Variants in MOK observed in about 807,000 individuals in gnomAD.
MOK encodes the protein MOK protein kinase.
Under a neutral mutation model 54.2 loss-of-function variants are expected in MOK, and 59 were observed. The ratio of observed to expected loss-of-function variants is 1.09; its 90% confidence interval spans 0.88 to 1.35. The LOEUF is 1.35. MOK is among the 40% of genes most tolerant of loss of function. The pLI is 0.00. For missense variants in MOK, 517 were observed against 526.2 expected (o/e 0.98, Z 0.17); for synonymous variants, 210 against 202.7 (o/e 1.04, Z -0.31).
rs778240810 is a variant in MOK, at chr14:102,232,740, C to T, written c.693-32G>A. The stretch of plus-strand genomic sequence containing the variant: ...TAAAAACCCAATGATAATAAATGGT[C>T]ATGCTGTCACTGAGCGCACCGGTGG... On this transcript the variant is annotated intron_variant, in intron 8 of 11. Coordinates refer to ENST00000361847, the MANE Select transcript of MOK (RefSeq NM_014226.3). This position sits in a 1 kb window ranked among gnomAD's most constrained non-coding sequence, Gnocchi z 5.1. 1.2e-5 allele frequency: 19 copies of T among 1,589,228 alleles called. No individual in the cohort carries two copies. Among genetic ancestry groups the T allele is most frequent in the Non-Finnish European group, 1.5e-5 (17 of 1,162,482 alleles).
Position 102,263,599 on chromosome 14 carries a change from G to A in MOK, c.230C>T (p.Ser77Phe). 6.2e-7 allele frequency: 1 copy of A among 1,605,058 alleles called. No homozygotes were observed. Among genetic ancestry groups the A allele is most frequent in the Non-Finnish European group, 8.5e-7 (1 of 1,176,676 alleles). Residue 77 changes from serine (S) to phenylalanine (F), a missense_variant, in exon 4 of 12, where the codon TCT (serine) becomes TTT (phenylalanine). Coordinates refer to ENST00000361847, the MANE Select transcript of MOK (RefSeq NM_014226.3). ...HEVVFDRKSG[S>F]LALICELMDM... ...CATAAGTTCACATATTAGTGCAAGA[G>A]AACCAGATTTTCTGTCACTGAAGAA...
At position 102,245,245 on chromosome 14, in the gene MOK, C is replaced by A. The variant is rs1268774860; in HGVS notation, c.590+5567G>T. Among the ~76,000 whole-genome samples the A allele has an allele frequency of 6.6e-6, 1 of 152,146 alleles. No individual in the cohort carries two copies. The highest frequency in any genetic ancestry group is 2.4e-5 in the African/African-American group (1 of 41,420). ...AAAATCTTCCTTCAGCTGAATCTCTCCCACTCCAGGTTCCCACGCCACCCC... is the reference window on the plus strand; with the variant it reads ...AAAATCTTCCTTCAGCTGAATCTCTACCACTCCAGGTTCCCACGCCACCCC... On this transcript the variant is annotated intron_variant, in intron 7 of 11. Transcript: ENST00000361847. This position sits in a 1 kb window ranked among gnomAD's most constrained non-coding sequence, Gnocchi z 4.3.
the MOK span, among the ~76,000 whole-genome samples, chr14:102,218,514 T>C: frequency 0.018 from 2,691 of 152,364 alleles, 80 homozygotes; most frequent in African/African-American, 0.062. Context: ...GGCAGGAACA[T>C]GGCCTTGCTG....
chr14:102,280,883 T>A (rs1378044154), intron 2 of MOK: 1 of 152,246 alleles, frequency 6.6e-6, no homozygotes, highest in African/African-American at 2.4e-5. Context: ...GCTAGAGAAC[T>A]GCTCCTTAGA....
intron 4 of MOK, among the ~76,000 whole-genome samples, chr14:102,256,104 A>AT (rs55845343): frequency 0.025 from 3,624 of 146,644 alleles, 117 homozygotes; most frequent in African/African-American, 0.074. Context: ...AGTTATTATT[A>AT]TTTTTTTTTT....
chr14:102,283,438 TG>T (rs2069682181), intron 2 of MOK, 39 bp downstream of exon 2: 2 of 1,347,460 alleles, frequency 1.5e-6, no homozygotes, highest in Non-Finnish European at 2.1e-6. Context: ...GACTGAAACT[TG>T]GATCTGTGTT....
chr14:102,218,103 G>C, the MOK span, among the ~76,000 whole-genome samples: 2 of 152,244 alleles, frequency 1.3e-5, no homozygotes, highest in Non-Finnish European at 2.9e-5. Context: ...CTTTGTCCAC[G>C]ATCTCAGGAG....
At chr14:102,222,198 A>C (rs1304499304), downstream of MOK, among the ~76,000 whole-genome samples, 1 of 147,896 alleles carries the variant, frequency 6.8e-6, no homozygotes, top group Non-Finnish European at 1.5e-5. This position sits in a 1 kb window ranked among gnomAD's most constrained non-coding sequence, Gnocchi z 4.4. Context: ...TCCCTTCTCC[A>C]CACCCAGCTG....
In MOK at chr14:102,241,977, T is replaced by C. The variant is rs563578048; in HGVS notation, c.591-8188A>G. Among the ~76,000 whole-genome samples the C allele has an allele frequency of 5.9e-5, 9 of 152,334 alleles. No homozygotes were observed. In the South Asian group the frequency reaches 1.9e-3, roughly 32 times the overall value. ...TTCCTCCTAAGCCATGTCCCATCTG[T>C]GCAGGACCCCACTGGAAATCGGACT... is the stretch of plus-strand genomic sequence containing the variant. On this transcript the variant is annotated intron_variant, in intron 7 of 11. Coordinates refer to ENST00000361847, the MANE Select transcript of MOK (RefSeq NM_014226.3).
intron 2 of MOK, among the ~76,000 whole-genome samples, chr14:102,273,357 C>T (rs530640251): frequency 2.0e-5 from 3 of 150,822 alleles, no homozygotes; most frequent in South Asian, 2.1e-4. Context: ...TGCATTTCTA[C>T]ATACTTATGG....
intron 2 of MOK, chr14:102,278,584 C>A: frequency 2.3e-6 from 1 of 437,612 alleles, no homozygotes. Flanking sequence ...GGGAAGATCA[C>A]CAGCTCAGGA....
chr14:102,226,163 G>A, downstream of MOK: 1 of 597,856 alleles, frequency 1.7e-6, no homozygotes, highest in South Asian at 2.0e-5. This position sits in a 1 kb window ranked among gnomAD's most constrained non-coding sequence, Gnocchi z 4.8. Flanking sequence ...GGAGATGGCT[G>A]CTTACTGCTT....
chr14:102,272,816 C>G (rs2153151497), intron 2 of MOK, among the ~76,000 whole-genome samples: 1 of 152,240 alleles, frequency 6.6e-6, no homozygotes, highest in African/African-American at 2.4e-5. Context: ...AAATGCTGAA[C>G]ACTTCCCCGC....
At chr14:102,220,835 C>T (rs1394952151), downstream of MOK, among the ~76,000 whole-genome samples, 2 of 151,820 alleles carry the variant, frequency 1.3e-5, no homozygotes, top group Non-Finnish European at 2.9e-5. The surrounding 1 kb of genome is among the most constrained non-coding windows in gnomAD (Gnocchi z 4.2). Context: ...TGCAGTGGAT[C>T]GCGGCTCATT....
At chr14:102,282,256 CTAAT>C (rs1290838394) in intron 2 of MOK, among the ~76,000 whole-genome samples, 1 of 151,938 alleles carries the variant, frequency 6.6e-6, no homozygotes, top group Non-Finnish European at 1.5e-5. Flanking sequence ...TAAAAGTTAA[CTAAT>C]TAATTAAAAA....
chr14:102,295,277 G>C (rs1205740651), intron 1 of MOK, among the ~76,000 whole-genome samples: 1 of 152,164 alleles, frequency 6.6e-6, no homozygotes, highest in Non-Finnish European at 1.5e-5. Flanking sequence ...GAGAACAAGG[G>C]AGATAAATGA....
intron 1 of MOK, among the ~76,000 whole-genome samples, chr14:102,288,824 T>G (rs1057329041): frequency 1.6e-4 from 25 of 152,250 alleles, no homozygotes; most frequent in African/African-American, 5.3e-4. Flanking sequence ...AGTAACACTC[T>G]GCTTCTTGAT....
downstream of MOK, among the ~76,000 whole-genome samples, chr14:102,221,106 A>G (rs74954949): frequency 4.7e-3 from 709 of 152,314 alleles, 6 homozygotes; most frequent in African/African-American, 0.016. The surrounding 1 kb of genome is among the most constrained non-coding windows in gnomAD (Gnocchi z 4.8). Context: ...TGGTAGAGAC[A>G]CCACCTTCCT....
chr14:102,284,908 C>A (rs2069858555), intron 1 of MOK, among the ~76,000 whole-genome samples: 1 of 152,018 alleles, frequency 6.6e-6, no homozygotes, highest in Non-Finnish European at 1.5e-5. Flanking sequence ...ATGCCAAAAC[C>A]CTGTCTCTAC....
Sources: gnomAD v4.1 joint callset for allele counts (sites outside exome capture counted in the v4.1 genomes callset) on GRCh38, gnomAD v4.1.1 for gene constraint, Gnocchi (gnomAD v3.1) non-coding constraint, MANE v1.5 for transcripts, NCBI Gene and HGNC (gene_info 2026-07-23, HGNC 2026-07-21) for gene names.